FBXL17: variants seen among roughly 807,000 people sequenced by gnomAD.
FBXL17 encodes the protein F-box/LRR-repeat protein 17.
FBXL17 carries 22 observed loss-of-function variants against 66.2 expected under a neutral mutation model. The observed-to-expected ratio is 0.33, with a 90% CI of 0.24 to 0.47. The LOEUF (loss-of-function observed/expected upper bound fraction) is 0.47. Among genes scored for constraint, FBXL17 ranks in the 20% least tolerant of loss-of-function variants. FBXL17 has a pLI of 1.00. For missense variants in FBXL17, 878 were observed against 948.2 expected, an observed-to-expected ratio of 0.93 and a Z score of 0.97; for synonymous variants, 474 against 400.5, an observed-to-expected ratio of 1.18 and a Z score of -2.19.
In FBXL17 at chr5:108,057,041, AGCATCCAAAAGCATTTT is replaced by A. The variant is rs201642208; in HGVS notation, c.1746-36057_1746-36041del. ...AGAGATTTAACAAAAAGCATCCAAA[AGCATCCAAAAGCATTTT>A]GCATCCAAAAGCATTTTGCAAATGA... On this transcript the variant is annotated intron_variant, in intron 6 of 8. Transcript: ENST00000542267. Among the ~76,000 whole-genome samples, 64 of 152,362 alleles carry A rather than the reference AGCATCCAAAAGCATTTT, an allele frequency of 4.2e-4. 1 individual carries two copies. In the East Asian group the frequency reaches 0.012, roughly 29 times the overall value.
At chr5:108,150,125 T>C (rs1194004923) in intron 6 of FBXL17, among the ~76,000 whole-genome samples, 2 of 152,186 alleles carry the variant, frequency 1.3e-5, no homozygotes, top group Admixed American at 1.3e-4. Flanking sequence ...TCAAACATCA[T>C]AACATGTTAC....
intron 4 of FBXL17, among the ~76,000 whole-genome samples, chr5:108,253,397 T>G (rs1756443950): frequency 6.6e-6 from 1 of 152,198 alleles, no homozygotes. Flanking sequence ...CTCATGTTTG[T>G]TAAAGCATGA....
intron 7 of FBXL17, among the ~76,000 whole-genome samples, chr5:108,009,308 T>TATATATATACAC: frequency 2.4e-5 from 1 of 42,216 alleles, no homozygotes; most frequent in Admixed American, 2.9e-4. Context: ...TATACATATA[T>TATATATATACAC]ACATACACAT....
At chr5:108,355,383 G>A (rs927485352) in intron 3 of FBXL17, among the ~76,000 whole-genome samples, 1 of 151,782 alleles carries the variant, frequency 6.6e-6, no homozygotes, top group African/African-American at 2.4e-5. Context: ...CCGCCTCCCA[G>A]GTTCAAGCAA....
chr5:108,052,181 A>T (rs1189974851), intron 6 of FBXL17, among the ~76,000 whole-genome samples: 2 of 151,836 alleles, frequency 1.3e-5, no homozygotes, highest in African/African-American at 4.8e-5. Context: ...ACTCCTATTC[A>T]ACATAGTATT....
intron 6 of FBXL17, among the ~76,000 whole-genome samples, chr5:108,177,720 C>T (rs1355833326): frequency 6.6e-6 from 1 of 151,838 alleles, no homozygotes; most frequent in Non-Finnish European, 1.5e-5. Flanking sequence ...CTTGGTTCCT[C>T]TAGTTGTGAA....
At chr5:108,224,561 A>G (rs541408993) in intron 4 of FBXL17, among the ~76,000 whole-genome samples, 8 of 151,338 alleles carry the variant, frequency 5.3e-5, no homozygotes, top group African/African-American at 9.8e-5. Flanking sequence ...ACACACAAAC[A>G]CACACATATA....
chr5:108,252,242 C>A (rs1018457241), intron 4 of FBXL17, among the ~76,000 whole-genome samples: 1 of 152,090 alleles, frequency 6.6e-6, no homozygotes, highest in African/African-American at 2.4e-5. Flanking sequence ...TAGTTTATCA[C>A]TAAGATTCCT....
At chr5:108,063,836 G>T (rs866088394) in intron 6 of FBXL17, among the ~76,000 whole-genome samples, 94 of 151,240 alleles carry the variant, frequency 6.2e-4, no homozygotes, top group African/African-American at 2.0e-3. Context: ...TTTCTTGGAT[G>T]AAAAAAACAA....
intron 8 of FBXL17, among the ~76,000 whole-genome samples, chr5:107,871,600 A>G (rs1296487871): frequency 1.3e-5 from 2 of 152,242 alleles, no homozygotes; most frequent in African/African-American, 4.8e-5. Flanking sequence ...ACCACTGGCC[A>G]TGGACTTGGC....
chr5:108,052,882 A>T lies in FBXL17; in HGVS notation c.1746-31881T>A, dbSNP rs533244185. On this transcript the variant is annotated intron_variant, in intron 6 of 8. Transcript: ENST00000542267. ...CAATGGAACAGAACAGAGACCTCAG[A>T]AATAACACCACACATCTGCAAACAT... Among the ~76,000 whole-genome samples, 4 of 152,338 alleles carry T rather than the reference A, an allele frequency of 2.6e-5. No homozygotes were observed. In the South Asian group the frequency reaches 8.3e-4, roughly 32 times the overall value.
intron 4 of FBXL17, among the ~76,000 whole-genome samples, chr5:108,306,532 G>A (rs1580784660): frequency 6.6e-6 from 1 of 152,080 alleles, no homozygotes; most frequent in South Asian, 2.1e-4. Context: ...TACAGAGATA[G>A]TGTGAGAATT....
intron 8 of FBXL17, among the ~76,000 whole-genome samples, chr5:107,868,852 C>T (rs1457178880): frequency 2.0e-5 from 3 of 152,146 alleles, no homozygotes; most frequent in African/African-American, 7.2e-5. Context: ...AAAATATGCA[C>T]ATATTTTTCA....
intron 6 of FBXL17, among the ~76,000 whole-genome samples, chr5:108,056,861 C>T (rs288146): frequency 0.19 from 29,307 of 152,172 alleles, 3,312 homozygotes; most frequent in South Asian, 0.47. Context: ...TGCATACACA[C>T]TTAACTCCTA....
At position 108,230,716 on chromosome 5, in the gene FBXL17, T is replaced by C. The variant is rs1181345294; in HGVS notation, c.1507-6488A>G. 4.3e-5 allele frequency among the ~76,000 whole-genome samples: 5 copies of C among 115,948 alleles called. No homozygotes were observed. In the East Asian group the frequency reaches 7.8e-4, roughly 18 times the overall value. The allele number at this position is 115,948 out of a possible 152,430, so 76.1% of individuals were successfully genotyped here. ...ATACCACCTGTTCCCCAGAAACCTA[T>C]GGAAATAAATTTAAAAAAAAAAAAA... On this transcript the variant is annotated intron_variant, in intron 4 of 8. Coordinates refer to ENST00000542267, the MANE Select transcript of FBXL17 (RefSeq NM_001163315.3).
intron 6 of FBXL17, among the ~76,000 whole-genome samples, chr5:108,029,984 A>G (rs1316534319): frequency 6.6e-6 from 1 of 152,132 alleles, no homozygotes; most frequent in African/African-American, 2.4e-5. Flanking sequence ...TTCTTTCTAA[A>G]CTGTTTAATA....
intron 5 of FBXL17, among the ~76,000 whole-genome samples, chr5:108,200,747 C>T (rs1753859137): frequency 1.3e-5 from 2 of 149,564 alleles, no homozygotes; most frequent in Non-Finnish European, 3.0e-5. Context: ...ATCAATTGAA[C>T]AGAAGTCTAC....
At chr5:108,298,995 C>CT in intron 4 of FBXL17, 1 of 975,236 alleles carries the variant, frequency 1.0e-6, no homozygotes, top group Non-Finnish European at 1.2e-6. Flanking sequence ...GAGTATAACA[C>CT]TTTTTCCTCT....
At chr5:108,273,076 T>C (rs1281311540) in intron 4 of FBXL17, among the ~76,000 whole-genome samples, 1 of 152,116 alleles carries the variant, frequency 6.6e-6, no homozygotes, top group Admixed American at 6.5e-5. Flanking sequence ...GGCAAGTTTT[T>C]ATTAGGGAGT....
Sources: allele counts gnomAD v4.1 joint callset (sites outside exome capture counted in the v4.1 genomes callset), GRCh38; gene constraint gnomAD v4.1.1; transcripts MANE v1.5; gene names NCBI Gene and HGNC (gene_info 2026-07-23, HGNC 2026-07-21).